IQGAP2: variants seen among roughly 807,000 people sequenced by gnomAD.
IQGAP2 encodes ras GTPase-activating-like protein IQGAP2.
In IQGAP2, 173 loss-of-function variants were observed where a neutral mutation model predicts 201.3. The ratio of observed to expected loss-of-function variants is 0.86; its 90% confidence interval spans 0.76 to 0.98. IQGAP2 has a LOEUF of 0.98. IQGAP2 is among the 50% of genes least tolerant of loss of function. The probability of loss-of-function intolerance (pLI) is 0.00; values close to 1 mark genes in which losing one functional copy is unlikely to be tolerated. For synonymous variants in IQGAP2, 675 were observed against 673.9 expected (o/e 1.00, Z -0.03); for missense variants, 1,687 against 1,864.8 (o/e 0.90, Z 1.76).
intron 1 of IQGAP2, among the ~76,000 whole-genome samples, chr5:76,429,282 T>A (rs1289097893): frequency 6.6e-6 from 1 of 151,594 alleles, no homozygotes; most frequent in Admixed American, 6.6e-5. Flanking sequence ...TAAAAATATA[T>A]CCATGTTAGG....
rs562770444 is a variant in IQGAP2, at chr5:76,412,295, A to T, written c.46+8704A>T. 4.6e-4 allele frequency among the ~76,000 whole-genome samples: 70 copies of T among 152,262 alleles called. No individual in the cohort carries two copies. In the South Asian group the frequency reaches 0.011, roughly 24 times the overall value. ...ATTACTACTAAATCTCTGAAGGAAG[A>T]CATTTTAATTTTTTTAAAAATTAGG... On this transcript the variant is annotated intron_variant, in intron 1 of 35. Coordinates refer to ENST00000274364, the MANE Select transcript of IQGAP2 (RefSeq NM_006633.5).
chr5:76,564,019 A>T (rs1744564604), intron 3 of IQGAP2, among the ~76,000 whole-genome samples: 1 of 152,092 alleles, frequency 6.6e-6, no homozygotes, highest in South Asian at 2.1e-4. Flanking sequence ...CACTGAGCAA[A>T]AGTTTTTGCC....
chr5:76,701,700 G>A (rs1180941490), intron 34 of IQGAP2: 1 of 152,868 alleles, frequency 6.5e-6, no homozygotes, highest in East Asian at 1.9e-4. Flanking sequence ...CATGAGCCCA[G>A]TGTTCCATCA....
chr5:76,674,291 A>T (rs1014463086), intron 26 of IQGAP2, among the ~76,000 whole-genome samples, 186 bp from the exon 27 acceptor site: 2 of 152,186 alleles, frequency 1.3e-5, no homozygotes, highest in Non-Finnish European at 2.9e-5. Context: ...TTTGCAAATT[A>T]TGCTATTAAT....
chr5:76,665,357 C>T (rs765138389), intron 22 of IQGAP2, among the ~76,000 whole-genome samples, 182 bp downstream of exon 22: 1 of 152,148 alleles, frequency 6.6e-6, no homozygotes, highest in Non-Finnish European at 1.5e-5. Flanking sequence ...CTTACCATAA[C>T]CCTGGGAGCC....
At chr5:76,425,524 G>A (rs10079393) in intron 1 of IQGAP2, among the ~76,000 whole-genome samples, 60,261 of 151,964 alleles carry the variant, frequency 0.4, 13,421 homozygotes, top group East Asian at 0.53. Flanking sequence ...AATAGTACGG[G>A]GAAAGGACTG....
chr5:76,525,137 T>A (rs1758896998), intron 2 of IQGAP2, among the ~76,000 whole-genome samples: 1 of 152,210 alleles, frequency 6.6e-6, no homozygotes, highest in African/African-American at 2.4e-5. Context: ...AAGAGAAGGA[T>A]GTTACCTGAT....
chr5:76,624,684 T>A lies in IQGAP2; in HGVS notation c.1522-2726T>A, dbSNP rs574431326. Among the ~76,000 whole-genome samples the A allele has an allele frequency of 2.0e-5, 3 of 152,348 alleles. No individual in the cohort carries two copies. In the South Asian group the frequency reaches 6.2e-4, roughly 32 times the overall value. On this transcript the variant is annotated intron_variant, in intron 13 of 35. Coordinates refer to ENST00000274364, the MANE Select transcript of IQGAP2 (RefSeq NM_006633.5). ...CTAGTTTCTGGTCATTTAATTCATT[T>A]GTAACTCTTATGTTGAACCTGGCTG...
intron 9 of IQGAP2, 133 bp downstream of exon 9, chr5:76,593,058 AGT>A (rs1006965403): frequency 3.0e-6 from 2 of 677,320 alleles, no homozygotes; most frequent in African/African-American, 3.6e-5. Flanking sequence ...ACTCAGTGTC[AGT>A]GTTGCTCTTA....
intron 33 of IQGAP2, among the ~76,000 whole-genome samples, chr5:76,698,887 T>C (rs1235804918): frequency 6.6e-6 from 1 of 152,202 alleles, no homozygotes; most frequent in East Asian, 1.9e-4. Flanking sequence ...TAATTTTATG[T>C]ATTCCTGGGG....
intron 2 of IQGAP2, among the ~76,000 whole-genome samples, chr5:76,509,362 AG>A (rs1249918167): frequency 2.0e-5 from 3 of 151,536 alleles, no homozygotes; most frequent in Non-Finnish European, 4.4e-5. Flanking sequence ...TCTCTTTTAT[AG>A]TACTTGCCAA....
chr5:76,657,020 G>C (rs545906353), intron 20 of IQGAP2, among the ~76,000 whole-genome samples: 1 of 152,126 alleles, frequency 6.6e-6, no homozygotes, highest in Non-Finnish European at 1.5e-5. Context: ...TGTAGGAGCA[G>C]ACTATAAAGT....
At chr5:76,543,290 A>G (rs747466829) in intron 2 of IQGAP2, among the ~76,000 whole-genome samples, 1 of 152,150 alleles carries the variant, frequency 6.6e-6, no homozygotes, top group East Asian at 1.9e-4. Context: ...TGTTCCCTCA[A>G]ACCTTCGCAT....
chr5:76,440,768 G>A (rs1341458835), intron 1 of IQGAP2, among the ~76,000 whole-genome samples: 3 of 152,096 alleles, frequency 2.0e-5, no homozygotes, highest in Non-Finnish European at 2.9e-5. Context: ...GCCGGGTGCA[G>A]TGACTCAGTA....
chr5:76,431,832 A>AG (rs1396138767), intron 1 of IQGAP2, among the ~76,000 whole-genome samples: 2 of 151,712 alleles, frequency 1.3e-5, no homozygotes, highest in Non-Finnish European at 2.9e-5. Context: ...AAAAAAAAAA[A>AG]AAAGGAATGC....
intron 17 of IQGAP2, among the ~76,000 whole-genome samples, chr5:76,642,777 T>C (rs1451553443): frequency 6.6e-6 from 1 of 152,078 alleles, no homozygotes; most frequent in Non-Finnish European, 1.5e-5. Context: ...AAGGCAAAAC[T>C]CCTAGGCCGA....
intron 3 of IQGAP2, among the ~76,000 whole-genome samples, chr5:76,565,678 A>T (rs1744695612): frequency 6.6e-6 from 1 of 152,216 alleles, no homozygotes; most frequent in South Asian, 2.1e-4. Context: ...TATCCACAGT[A>T]GGAACTTGGG....
chr5:76,658,821 G>A (rs1388186087), intron 21 of IQGAP2, among the ~76,000 whole-genome samples, 154 bp downstream of exon 21: 6 of 152,166 alleles, frequency 3.9e-5, no homozygotes, highest in African/African-American at 1.4e-4. Flanking sequence ...CCTAAACATA[G>A]ATGGTGGAGT....
chr5:76,548,292 C>T (rs1743217484), intron 2 of IQGAP2, among the ~76,000 whole-genome samples: 1 of 152,156 alleles, frequency 6.6e-6, no homozygotes, highest in South Asian at 2.1e-4. Flanking sequence ...ACAGCTGTAC[C>T]CCCACAGACA....
Sources: gnomAD v4.1 joint callset for allele counts (sites outside exome capture counted in the v4.1 genomes callset) on GRCh38, gnomAD v4.1.1 for gene constraint, MANE v1.5 for transcripts, NCBI Gene and HGNC (gene_info 2026-07-23, HGNC 2026-07-21) for gene names.